The following SLC24A2 variants were observed in gnomAD, a reference collection of about 807,000 sequenced individuals.
SLC24A2 encodes the protein sodium/potassium/calcium exchanger 2.
A neutral mutation model predicts 62.0 loss-of-function variants in SLC24A2; 36 were observed. The observed-to-expected ratio is 0.58, with a 90% confidence interval of 0.44 to 0.77. The LOEUF (loss-of-function observed/expected upper bound fraction) is 0.77. Among genes scored for constraint, SLC24A2 ranks in the 30% least tolerant of loss-of-function variants. SLC24A2 has a pLI of 0.00. For synonymous variants in SLC24A2, 358 were observed against 294.0 expected (o/e 1.22, Z -2.23); for missense variants, 846 against 817.9 (o/e 1.03, Z -0.42).
intron 8 of SLC24A2, among the ~76,000 whole-genome samples, chr9:19,534,312 A>G (rs1465565171): frequency 6.6e-6 from 1 of 152,074 alleles, no homozygotes; most frequent in Non-Finnish European, 1.5e-5. Context: ...CCTTTACTAG[A>G]CTTAGAGTGC....
the SLC24A2 span, among the ~76,000 whole-genome samples, chr9:20,025,259 A>G: frequency 6.6e-6 from 1 of 152,126 alleles, no homozygotes; most frequent in Non-Finnish European, 1.5e-5. Flanking sequence ...AACCTTAGGG[A>G]CAAGTATTCT....
chr9:19,787,387 A>G lies in SLC24A2; in HGVS notation c.-153-368T>C, dbSNP rs144688078. Among the ~76,000 whole-genome samples, 191 of 152,366 alleles carry G rather than the reference A, an allele frequency of 1.3e-3. 1 individual carries two copies. Among genetic ancestry groups the G allele is most frequent in the African/African-American group, 4.2e-3 (173 of 41,588 alleles). ...ATTATCTCACCTTAAATCATGTAATAACCTTCCAGTGCTATAAAGGTACCT... is the reference window on the plus strand; with the variant it reads ...ATTATCTCACCTTAAATCATGTAATGACCTTCCAGTGCTATAAAGGTACCT... On this transcript the variant is annotated intron_variant, in intron 1 of 10. Coordinates refer to ENST00000341998, the MANE Select transcript of SLC24A2 (RefSeq NM_020344.4).
chr9:20,052,640 C>T, the SLC24A2 span, among the ~76,000 whole-genome samples: 94 of 152,228 alleles, frequency 6.2e-4, 1 homozygote, highest in East Asian at 0.016. Context: ...CATTTCCTCA[C>T]GACATTGCTG....
chr9:19,961,193 C>G, the SLC24A2 span, among the ~76,000 whole-genome samples: 5 of 151,006 alleles, frequency 3.3e-5, no homozygotes, highest in Admixed American at 6.6e-5. Context: ...CAAACCTGCA[C>G]GTTGTGCACA....
chr9:19,756,158 A>T (rs1822135563), intron 2 of SLC24A2, among the ~76,000 whole-genome samples: 1 of 152,162 alleles, frequency 6.6e-6, no homozygotes, highest in Non-Finnish European at 1.5e-5. Flanking sequence ...AACTGTATAC[A>T]ATGATCTGCT....
At chr9:19,728,584 A>G (rs1033676997) in intron 2 of SLC24A2, among the ~76,000 whole-genome samples, 1 of 152,098 alleles carries the variant, frequency 6.6e-6, no homozygotes, top group Non-Finnish European at 1.5e-5. Flanking sequence ...AAGGGTCTCA[A>G]CTCTGGTGGG....
chr9:19,776,748 C>G (rs1020516190), intron 2 of SLC24A2, among the ~76,000 whole-genome samples: 10 of 152,180 alleles, frequency 6.6e-5, no homozygotes, highest in African/African-American at 2.4e-4. Flanking sequence ...GTGATATGGG[C>G]ATGGCTAGAC....
the SLC24A2 span, among the ~76,000 whole-genome samples, chr9:20,048,649 T>A: frequency 6.6e-6 from 1 of 151,884 alleles, no homozygotes; most frequent in African/African-American, 2.4e-5. Context: ...ACAAATAAAA[T>A]AAAAGTATAC....
intron 4 of SLC24A2, among the ~76,000 whole-genome samples, chr9:19,607,806 AAG>A (rs1359200587): frequency 1.3e-5 from 2 of 152,142 alleles, no homozygotes; most frequent in Non-Finnish European, 2.9e-5. Flanking sequence ...TGGAGAAAGA[AAG>A]AGAGAGGGAA....
the SLC24A2 span, among the ~76,000 whole-genome samples, chr9:19,838,168 A>G: frequency 6.6e-6 from 1 of 152,196 alleles, no homozygotes; most frequent in Non-Finnish European, 1.5e-5. Flanking sequence ...ACTTTAAACT[A>G]TACTACAAGG....
the SLC24A2 span, among the ~76,000 whole-genome samples, chr9:19,978,357 C>G: frequency 6.6e-6 from 1 of 151,854 alleles, no homozygotes; most frequent in Non-Finnish European, 1.5e-5. Context: ...AACTATTGTT[C>G]AAAAATAACC....
rs1832918770 is a variant in SLC24A2 at position 19,516,224 on chromosome 9, G to A, written c.1915C>T (p.Leu639Phe). The A allele has an allele frequency of 3.7e-6, 6 of 1,614,200 alleles. No individual in the cohort carries two copies. In the South Asian group the frequency reaches 6.6e-5, roughly 18 times the overall value. Reference protein sequence around the residue: ...NKILGFIMFGLYFVFLVVSVL... With the variant: ...NKILGFIMFGFYFVFLVVSVL... ...CTCACCACCAGGAACACAAAGTAGA[G>A]GCCAAACATGATGAAGCCCAGGATT... is the stretch of plus-strand genomic sequence containing the variant. Residue 639 changes from leucine to phenylalanine, a missense_variant, in exon 11 of 11, where the codon CTC becomes TTC. Leu to Phe is a conservative substitution (Grantham distance 22, BLOSUM62 0). Coordinates refer to ENST00000341998, the MANE Select transcript of SLC24A2 (RefSeq NM_020344.4).
chr9:20,215,565 T>G, the SLC24A2 span, among the ~76,000 whole-genome samples: 1 of 152,348 alleles, frequency 6.6e-6, no homozygotes, highest in East Asian at 1.9e-4. Context: ...CCTTTTCCTG[T>G]GTCTTCCAGC....
chr9:20,181,187 A>G, the SLC24A2 span, among the ~76,000 whole-genome samples: 2 of 152,094 alleles, frequency 1.3e-5, no homozygotes, highest in Non-Finnish European at 2.9e-5. Flanking sequence ...AGTTCTTACA[A>G]TCTACAGCCG....
the SLC24A2 span, among the ~76,000 whole-genome samples, chr9:19,888,780 T>G: frequency 6.6e-6 from 1 of 152,174 alleles, no homozygotes; most frequent in Non-Finnish European, 1.5e-5. Context: ...ATAGATCAAC[T>G]GAGAAGGCAG....
At chr9:20,259,840 G>C in the SLC24A2 span, among the ~76,000 whole-genome samples, 1 of 152,160 alleles carries the variant, frequency 6.6e-6, no homozygotes, top group East Asian at 1.9e-4. Flanking sequence ...TATAACCCTA[G>C]CACTTTGGGA....
the SLC24A2 span, among the ~76,000 whole-genome samples, chr9:20,245,095 G>C: frequency 2.0e-5 from 3 of 152,152 alleles, no homozygotes; most frequent in Non-Finnish European, 4.4e-5. Flanking sequence ...ATTGAACTGT[G>C]ATTATGCATT....
chr9:19,593,021 G>A (rs1481335512), intron 5 of SLC24A2, among the ~76,000 whole-genome samples: 5 of 152,192 alleles, frequency 3.3e-5, no homozygotes, highest in Admixed American at 3.3e-4. Flanking sequence ...TTCAGAGAAG[G>A]TGCTCAGTTA....
the SLC24A2 span, among the ~76,000 whole-genome samples, chr9:20,110,969 A>C: frequency 6.6e-6 from 1 of 152,174 alleles, no homozygotes; most frequent in African/African-American, 2.4e-5. Flanking sequence ...AGTATGTTTA[A>C]AAAATAGCAT....
Sources: allele counts gnomAD v4.1 joint callset (sites outside exome capture counted in the v4.1 genomes callset), GRCh38; gene constraint gnomAD v4.1.1; transcripts MANE v1.5; gene names NCBI Gene and HGNC (gene_info 2026-07-23, HGNC 2026-07-21).